PFKL: variants seen among roughly 807,000 people sequenced by gnomAD.
PFKL encodes the protein ATP-dependent 6-phosphofructokinase, liver type.
Under a neutral mutation model 92.1 loss-of-function variants are expected in PFKL, and 74 were observed. That is an observed-to-expected ratio of 0.80 (90% confidence interval 0.67 to 0.97). The LOEUF is 0.97. Ranked by LOEUF, PFKL falls within the 50% of genes least tolerant of loss-of-function variation. The pLI is 0.00. For missense variants in PFKL, 1,028 were observed against 1,116.6 expected (o/e 0.92, Z 1.13); for synonymous variants, 494 against 456.4 (o/e 1.08, Z -1.05).
intron 2 of PFKL, among the ~76,000 whole-genome samples, chr21:44,308,870 T>C (rs1253984499): frequency 6.6e-6 from 1 of 151,898 alleles, no homozygotes; most frequent in Non-Finnish European, 1.5e-5. Flanking sequence ...CCATGAATGG[T>C]TTTTAGGGGA....
chr21:44,306,604 T>G, intron 1 of PFKL, 77 bp from the exon 2 acceptor site: 1 of 1,221,454 alleles, frequency 8.2e-7, no homozygotes, highest in Non-Finnish European at 1.2e-6. Flanking sequence ...CCCTACCCCC[T>G]GTCCTCTGAG....
chr21:44,300,279 C>G (rs2040731828), intron 1 of PFKL, 89 bp downstream of exon 1: 3 of 591,758 alleles, frequency 5.1e-6, no homozygotes, highest in Non-Finnish European at 6.5e-6. Context: ...AGCCCCGGGA[C>G]CCGGGTCTCG....
chr21:44,316,014 G>A, intron 7 of PFKL: 1 of 565,814 alleles, frequency 1.8e-6, no homozygotes, highest in Non-Finnish European at 3.2e-6. Context: ...CAGGCTTTCG[G>A]GCAGAGCCCT....
At position 44,300,206 on chromosome 21, in the gene PFKL, G is replaced by T; in HGVS notation, c.85+16G>T. 1 of 1,078,238 alleles carries T rather than the reference G, an allele frequency of 9.3e-7. No individual in the cohort carries two copies. Among genetic ancestry groups the T allele is most frequent in the Non-Finnish European group, 1.1e-6 (1 of 890,218 alleles). 66.8% of individuals were successfully genotyped at this position (1,078,238 alleles called of 1,614,324 possible). On this transcript the variant is annotated intron_variant, in intron 1 of 21. Transcript: ENST00000349048. ...GACGCGCAAGGTGGGCGGGGGTCCC[G>T]GCCGCGTCGCGGCGCAGGGGGTGGA... is the stretch of plus-strand genomic sequence containing the variant.
intron 13 of PFKL, 75 bp from the exon 14 acceptor site, chr21:44,322,058 G>T: frequency 6.6e-7 from 1 of 1,514,192 alleles, no homozygotes; most frequent in South Asian, 1.2e-5. Flanking sequence ...GCTGGCCCCC[G>T]GGCACAGGCC....
chr21:44,305,817 G>A, intron 1 of PFKL: 1 of 1,366,950 alleles, frequency 7.3e-7, no homozygotes, highest in South Asian at 1.1e-5. Context: ...GCTTTGCCAA[G>A]GCCCCCGCTG....
At position 44,319,253 on chromosome 21, in the gene PFKL, G is replaced by A. The variant is rs143929363; in HGVS notation, c.1063-98G>A. On this transcript the variant is annotated intron_variant, in intron 10 of 21. Coordinates refer to ENST00000349048, the MANE Select transcript of PFKL (RefSeq NM_002626.6). ...GCCTGGGCCAGGGTCAGGAGATGCC[G>A]GCCAGATCTGCCCTCGTCAGGCCCA... The A allele has an allele frequency of 1.2e-3, 1,296 of 1,043,082 alleles. 7 individuals carry two copies. In the African/African-American group the frequency reaches 0.018, roughly 14 times the overall value. 64.6% of individuals were successfully genotyped at this position (1,043,082 alleles called of 1,614,324 possible).
Position 44,325,088 on chromosome 21 carries a change from G to A in PFKL, c.1878-65G>A, listed in dbSNP as rs957658605. 8 of 1,289,514 alleles carry A rather than the reference G, an allele frequency of 6.2e-6. No individual in the cohort carries two copies. In the South Asian group the frequency reaches 8.4e-5, roughly 14 times the overall value. 79.9% of individuals were successfully genotyped at this position (1,289,514 alleles called of 1,614,324 possible). ...CCCTCTCCCAGGCCTGGCCCAGCGG[G>A]GACTCAGGATCGGGGGGAGACCTGA... On this transcript the variant is annotated intron_variant, in intron 18 of 21. Coordinates refer to ENST00000349048, the MANE Select transcript of PFKL (RefSeq NM_002626.6).
At chr21:44,309,726 C>A (rs1388033223) in intron 2 of PFKL, among the ~76,000 whole-genome samples, 1 of 152,152 alleles carries the variant, frequency 6.6e-6, no homozygotes, top group Non-Finnish European at 1.5e-5. Context: ...TCCTGTTTTC[C>A]TTGTTCCTAG....
At chr21:44,319,234 G>T in intron 10 of PFKL, 117 bp from the exon 11 acceptor site, 2 of 842,264 alleles carry the variant, frequency 2.4e-6, no homozygotes, top group South Asian at 1.4e-5. Context: ...CCAGGCCTGG[G>T]CCAGGGTCAG....
At chr21:44,306,102 C>CCGCGCTG (rs1309292576) in intron 1 of PFKL, among the ~76,000 whole-genome samples, 1 of 152,030 alleles carries the variant, frequency 6.6e-6, no homozygotes, top group African/African-American at 2.4e-5. Context: ...TTCTCCATCC[C>CCGCGCTG]CACGCCGCAG....
chr21:44,317,722 G>A (rs116265532), intron 9 of PFKL, among the ~76,000 whole-genome samples: 4 of 152,226 alleles, frequency 2.6e-5, no homozygotes, highest in Admixed American at 6.5e-5. Flanking sequence ...ACCCTAGCAC[G>A]TGCAGTGGTA....
chr21:44,312,140 C>G lies in PFKL; in HGVS notation c.273C>G (p.Ala91=). ...TCATTGGCAGCGCTCGCTGCAAGGCCTTTACCACCAGGGAGGGGCGCCGGG... is the reference window on the plus strand; with the variant it reads ...TCATTGGCAGCGCTCGCTGCAAGGCGTTTACCACCAGGGAGGGGCGCCGGG... ...GTIIGSARCK[A]FTTREGRRAA... The change falls in exon 4 of 22, where the codon GCC becomes GCG. Residue 91 remains alanine, a synonymous_variant. Transcript: ENST00000349048. 6.3e-7 allele frequency: 1 copy of G among 1,587,040 alleles called. No individual in the cohort carries two copies. The highest frequency in any genetic ancestry group is 8.6e-7 in the Non-Finnish European group (1 of 1,167,196).
intron 12 of PFKL, 137 bp downstream of exon 12, chr21:44,320,284 G>A: frequency 3.0e-6 from 2 of 667,008 alleles, no homozygotes; most frequent in African/African-American, 1.8e-5. Flanking sequence ...CTGGGAGGGT[G>A]GGCCTGACCT....
intron 7 of PFKL, chr21:44,314,600 G>A (rs1384261457): frequency 1.4e-5 from 2 of 144,266 alleles, no homozygotes; most frequent in Admixed American, 6.8e-5. Flanking sequence ...ATGGGGGGGT[G>A]CCTGGTGGGG....
At chr21:44,324,285 TG>T (rs1274260554) in intron 16 of PFKL, 8 of 606,630 alleles carry the variant, frequency 1.3e-5, no homozygotes, top group African/African-American at 1.9e-5. Context: ...CACTGTGCCC[TG>T]GGGGGTGGGG....
intron 7 of PFKL, chr21:44,315,480 A>G (rs59952509): frequency 0.16 from 24,622 of 152,312 alleles, 2,310 homozygotes; most frequent in East Asian, 0.43. Context: ...CTCCACTCCC[A>G]CCACACCCGG....
chr21:44,306,753 AGGTAAGGCCAAGGT>A lies in PFKL; in HGVS notation c.159+2_159+15del. The A allele has an allele frequency of 6.2e-7, 1 of 1,613,434 alleles. No individual in the cohort carries two copies. Among genetic ancestry groups the A allele is most frequent in the Non-Finnish European group, 8.5e-7 (1 of 1,179,690 alleles). On this transcript the variant is annotated splice_donor_variant and splice_donor_5th_base_variant and coding_sequence_variant and intron_variant, in exon 2 of 22. Transcript: ENST00000349048. LOFTEE classifies it high-confidence loss of function. ...GGTGCCAAAGTCTTCCTCATCTACG[AGGTAAGGCCAAGGT>A]GGGCTGTGTGTGTGCAGGGAGTGGG...
Position 44,324,479 on chromosome 21 carries a change from C to T in PFKL, c.1651-12C>T, listed in dbSNP as rs552250003. 19 of 1,612,792 alleles carry T rather than the reference C, an allele frequency of 1.2e-5. No homozygotes were observed. Among genetic ancestry groups the T allele is most frequent in the Admixed American group, 6.7e-5 (4 of 59,972 alleles). On this transcript the variant is annotated splice_polypyrimidine_tract_variant and intron_variant, in intron 16 of 21. Coordinates refer to ENST00000349048, the MANE Select transcript of PFKL (RefSeq NM_002626.6). ...GCACGTGGAGGACCCCCGACCCCCCCTTGTCCCCCAGAGCTGTGACCGCAT... is the reference window on the plus strand; with the variant it reads ...GCACGTGGAGGACCCCCGACCCCCCTTTGTCCCCCAGAGCTGTGACCGCAT...
Sources: allele counts gnomAD v4.1 joint callset (sites outside exome capture counted in the v4.1 genomes callset), GRCh38; gene constraint gnomAD v4.1.1; transcripts MANE v1.5; gene names NCBI Gene and HGNC (gene_info 2026-07-23, HGNC 2026-07-21).